The following SERTAD4 variants were observed in gnomAD, a reference collection of about 807,000 sequenced individuals.
SERTAD4 encodes the protein SERTA domain-containing protein 4.
A neutral mutation model predicts 32.9 loss-of-function variants in SERTAD4; 18 were observed. The ratio of observed to expected loss-of-function variants is 0.55; its 90% CI spans 0.38 to 0.81. SERTAD4 has a LOEUF of 0.81. SERTAD4 is among the 30% of genes least tolerant of loss of function. SERTAD4 has a pLI of 0.00. For synonymous variants in SERTAD4, 150 were observed against 156.4 expected (o/e 0.96, Z 0.30); for missense variants, 383 against 426.0 (o/e 0.90, Z 0.89).
chr1:210,233,139 C>T (rs1360924456), intron 1 of SERTAD4, 128 bp downstream of exon 1: 1 of 152,242 alleles, frequency 6.6e-6, no homozygotes. Flanking sequence ...CTCTTGGCAC[C>T]AGGGCTGTGC....
At position 210,241,963 on chromosome 1, in the gene SERTAD4, C is replaced by A. The variant is rs768451435; in HGVS notation, c.697C>A (p.Pro233Thr). ...TTCCTCCTCATCTTCCTCTTCCTCT[C>A]CCCCTTTGCCTTTACCGAGTTGTTC... Reference protein sequence around the residue: ...SSSSSSSSSSPPLPLPSCSRQ... With the variant: ...SSSSSSSSSSTPLPLPSCSRQ... The change falls in exon 4 of 4, where the codon CCC becomes ACC. Residue 233 changes from proline to threonine, a missense_variant. This residue lies in a region of SERTAD4 where 180 missense variants were observed against 190.6 expected (regional missense o/e 0.94). Transcript: ENST00000367012. 9.3e-6 allele frequency: 15 copies of A among 1,614,042 alleles called. No homozygotes were observed. Among genetic ancestry groups the A allele is most frequent in the Non-Finnish European group, 8.5e-6 (10 of 1,180,028 alleles).
chr1:210,242,663 T>C lies in SERTAD4; in HGVS notation c.*326T>C, dbSNP rs2084010817. The stretch of plus-strand genomic sequence containing the variant: ...TATTTCCATTGCCCCCCAAGGAGCC[T>C]GTCACTAGCTAAGAAATTTCTACAT... On this transcript the variant is annotated 3_prime_UTR_variant, in exon 4 of 4. Transcript: ENST00000367012. This position sits in a 1 kb window ranked among gnomAD's most constrained non-coding sequence, Gnocchi z 4.0. 3.8e-6 allele frequency: 4 copies of C among 1,062,580 alleles called. No individual in the cohort carries two copies. The highest frequency in any genetic ancestry group is 3.4e-6 in the Non-Finnish European group (3 of 881,450). The allele number at this position is 1,062,580 out of a possible 1,614,324, so 65.8% of individuals were successfully genotyped here. A position where few individuals can be genotyped will look rare whatever the true frequency, so the allele number is the denominator to read the frequency against.
Position 210,243,506 on chromosome 1 carries a change from T to C in SERTAD4, c.*1169T>C, listed in dbSNP as rs1346547145. 6.6e-6 allele frequency: 1 copy of C among 152,228 alleles called. No homozygotes were observed. The highest frequency in any genetic ancestry group is 2.4e-5 in the African/African-American group (1 of 41,454). The allele number at this position is 152,228 out of a possible 1,614,324, so 9.4% of individuals were successfully genotyped here. On this transcript the variant is annotated 3_prime_UTR_variant, in exon 4 of 4. Coordinates refer to ENST00000367012, the MANE Select transcript of SERTAD4 (RefSeq NM_019605.5). Reference sequence around the variant, plus strand: ...GATTAAGAAGCACAATGTTAATAAATGATGTGGTGATCAATAAGGTTTATC... The same window carrying C: ...GATTAAGAAGCACAATGTTAATAAACGATGTGGTGATCAATAAGGTTTATC...
chr1:210,233,987 T>G (rs1446616572), intron 1 of SERTAD4: 4 of 262,328 alleles, frequency 1.5e-5, no homozygotes, highest in South Asian at 2.9e-5. Flanking sequence ...AAACTTGGTT[T>G]TTTTTTTAAA....
At chr1:210,233,283 G>C (rs892064168) in intron 1 of SERTAD4, among the ~76,000 whole-genome samples, 2 of 152,216 alleles carry the variant, frequency 1.3e-5, no homozygotes, top group South Asian at 4.1e-4. Context: ...ACCAGGGCGG[G>C]AACCGCCGCC....
At chr1:210,240,009 TG>T (rs1438756864) in intron 3 of SERTAD4, among the ~76,000 whole-genome samples, 2 of 152,166 alleles carry the variant, frequency 1.3e-5, no homozygotes, top group African/African-American at 4.8e-5. Context: ...TGTGTCCACA[TG>T]GGGGTGGTTA....
At position 210,241,679 on chromosome 1, in the gene SERTAD4, G is replaced by T; in HGVS notation, c.413G>T (p.Arg138Met). 6.2e-7 allele frequency: 1 copy of T among 1,613,914 alleles called. No individual in the cohort carries two copies. Among genetic ancestry groups the T allele is most frequent in the Non-Finnish European group, 8.5e-7 (1 of 1,180,010 alleles). The part of the protein sequence containing the change: ...RSVLINNLMK[R>M]IHGEIIMQNN... ...GTCCTTATAAACAATTTGATGAAAA[G>T]GATCCATGGAGAAATTATCATGCAG... The change falls in exon 4 of 4, where the codon AGG becomes ATG. Residue 138 changes from arginine (R) to methionine (M), a missense_variant. By Grantham distance (91) the Arg-to-Met change is moderately conservative. This residue lies in a region of SERTAD4 where 107 missense variants were observed against 158.8 expected (regional missense o/e 0.67). Transcript: ENST00000367012.
rs1365921190 is a variant in SERTAD4, at chr1:210,238,034, A to C, written c.74A>C (p.Tyr25Ser). Reference sequence around the variant, plus strand: ...GAAGGAGCTGCTGAAATTGCTGGGTACCAAACACTATGGGAGGCTGACAGC... The same window carrying C: ...GAAGGAGCTGCTGAAATTGCTGGGTCCCAAACACTATGGGAGGCTGACAGC... ...VSEGAAEIAG[Y>S]QTLWEADSYG... Residue 25 changes from tyrosine to serine, a missense_variant, in exon 2 of 4, where the codon TAC becomes TCC. By Grantham distance (144) the Tyr-to-Ser change is moderately radical. Transcript: ENST00000367012. The C allele has an allele frequency of 6.2e-7, 1 of 1,613,740 alleles. No individual in the cohort carries two copies. Among genetic ancestry groups the C allele is most frequent in the East Asian group, 2.2e-5 (1 of 44,856 alleles).
chr1:210,235,817 A>C (rs2083935616), intron 1 of SERTAD4, among the ~76,000 whole-genome samples: 1 of 152,248 alleles, frequency 6.6e-6, no homozygotes, highest in South Asian at 2.1e-4. Context: ...CTTAAGGGGC[A>C]TGAGTTTGAC....
chr1:210,243,184 C>T lies in SERTAD4; in HGVS notation c.*847C>T. On this transcript the variant is annotated 3_prime_UTR_variant, in exon 4 of 4. Transcript: ENST00000367012. ...CTATTGTGTTCAGCTTTTGATTCGACATCTCTATTCTTTATTTTTGATGCC... is the reference window on the plus strand; with the variant it reads ...CTATTGTGTTCAGCTTTTGATTCGATATCTCTATTCTTTATTTTTGATGCC... 1.1e-6 allele frequency: 1 copy of T among 943,602 alleles called. No individual in the cohort carries two copies. The highest frequency in any genetic ancestry group is 1.3e-6 in the Non-Finnish European group (1 of 793,976). 58.5% of individuals were successfully genotyped at this position (943,602 alleles called of 1,614,324 possible). A position where few individuals can be genotyped will look rare whatever the true frequency, so the allele number is the denominator to read the frequency against.
At chr1:210,237,242 A>G (rs2083949580) in intron 1 of SERTAD4, 1 of 152,188 alleles carries the variant, frequency 6.6e-6, no homozygotes, top group Non-Finnish European at 1.5e-5. Context: ...ACTGGAGCCA[A>G]TTTTCTGTCT....
At chr1:210,238,206 G>A (rs2083961725) in intron 2 of SERTAD4, 71 bp downstream of exon 2, 1 of 956,702 alleles carries the variant, frequency 1.0e-6, no homozygotes, top group African/African-American at 1.6e-5. Context: ...GTGGACAGGA[G>A]GTGGTGTCTG....
chr1:210,234,569 C>A (rs1558254819), intron 1 of SERTAD4, among the ~76,000 whole-genome samples: 1 of 152,192 alleles, frequency 6.6e-6, no homozygotes, highest in Non-Finnish European at 1.5e-5. Context: ...CTATTGAGAT[C>A]ATTTTGGGAC....
intron 1 of SERTAD4, chr1:210,233,699 C>T (rs1214921810): frequency 2.1e-6 from 1 of 470,914 alleles, no homozygotes; most frequent in South Asian, 1.5e-5. Context: ...TCCCTTCCTC[C>T]CCTCCCGCCT....
Position 210,242,276 on chromosome 1 carries a change from G to T in SERTAD4, c.1010G>T (p.Arg337Leu). 6.2e-7 allele frequency: 1 copy of T among 1,607,202 alleles called. No homozygotes were observed. Among genetic ancestry groups the T allele is most frequent in the Non-Finnish European group, 8.5e-7 (1 of 1,178,080 alleles). The change falls in exon 4 of 4, where the codon CGG becomes CTG. Residue 337 changes from arginine to leucine, a missense_variant. Transcript: ENST00000367012. This position sits in a 1 kb window ranked among gnomAD's most constrained non-coding sequence, Gnocchi z 4.0. ...AATGAATCTTGGAAAAAGTCCTTAC[G>T]GAAAAAGGAGGCTTCACCACCAAGT... ...NVNESWKKSLRKKEASPPSNK... is the reference protein window; with the variant it reads ...NVNESWKKSLLKKEASPPSNK...
intron 1 of SERTAD4, 82 bp downstream of exon 1, chr1:210,233,093 C>T (rs1011958556): frequency 3.9e-5 from 6 of 151,922 alleles, no homozygotes; most frequent in Admixed American, 3.3e-4. Flanking sequence ...GGCTCCTGCC[C>T]TCGCAGACGG....
intron 2 of SERTAD4, among the ~76,000 whole-genome samples, chr1:210,238,829 G>A (rs943554102): frequency 8.5e-5 from 13 of 152,126 alleles, no homozygotes; most frequent in Admixed American, 6.5e-4. Flanking sequence ...TGCAGTATTA[G>A]CTATTTTTAA....
rs1012413170 is a variant in SERTAD4, at chr1:210,245,752, T to C, written c.*3415T>C. 13 of 971,986 alleles carry C rather than the reference T, an allele frequency of 1.3e-5. No homozygotes were observed. The highest frequency in any genetic ancestry group is 5.3e-5 in the African/African-American group (3 of 57,034). The allele number at this position is 971,986 out of a possible 1,614,324, so 60.2% of individuals were successfully genotyped here. A position where few individuals can be genotyped will look rare whatever the true frequency, so the allele number is the denominator to read the frequency against. ...ACATGGCTACCCACCCCTCCAGTTA[T>C]GAACTTGTATTACAGCTCCACTTGG... On this transcript the variant is annotated 3_prime_UTR_variant, in exon 4 of 4. Coordinates refer to ENST00000367012, the MANE Select transcript of SERTAD4 (RefSeq NM_019605.5).
rs375924080 is a variant in SERTAD4, at chr1:210,237,147, C to G, written c.-17-797C>G. 7.9e-5 allele frequency: 12 copies of G among 152,500 alleles called. No individual in the cohort carries two copies. In the South Asian group the frequency reaches 1.4e-3, roughly 18 times the overall value. 9.4% of individuals were successfully genotyped at this position (152,500 alleles called of 1,614,324 possible). ...TAAAGAGTTGTTGGCTGCCTCTGGC[C>G]CCAGAGCCTGGCTCCTGTTTAATAT... On this transcript the variant is annotated intron_variant, in intron 1 of 3. Coordinates refer to ENST00000367012, the MANE Select transcript of SERTAD4 (RefSeq NM_019605.5).
Sources: gnomAD v4.1 joint callset for allele counts (sites outside exome capture counted in the v4.1 genomes callset) on GRCh38, gnomAD v4.1.1 for gene constraint, gnomAD v4.1.1 regional missense constraint, Gnocchi (gnomAD v3.1) non-coding constraint, MANE v1.5 for transcripts, NCBI Gene and HGNC (gene_info 2026-07-23, HGNC 2026-07-21) for gene names.